Variants in RHOU observed in about 807,000 individuals in gnomAD.
The protein encoded by RHOU is ras homolog family member U.
In RHOU, 8 loss-of-function variants were observed where a neutral mutation model predicts 12.6. The observed-to-expected ratio is 0.64, with a 90% CI of 0.37 to 1.15. The LOEUF (loss-of-function observed/expected upper bound fraction) is 1.15. Ranked by LOEUF, RHOU falls within the 50% of genes most tolerant of loss-of-function variation. The pLI is 0.01. For synonymous variants in RHOU, 161 were observed against 147.4 expected, an observed-to-expected ratio of 1.09 and a Z score of -0.67; for missense variants, 258 against 347.0, an observed-to-expected ratio of 0.74 and a Z score of 2.04.
At chr1:228,718,368 TA>T in the RHOU span, among the ~76,000 whole-genome samples, 2 of 152,152 alleles carry the variant, frequency 1.3e-5, no homozygotes, top group East Asian at 3.9e-4. Context: ...TATTGCCACC[TA>T]AAAAATTAGC....
At chr1:228,675,766 T>C in the RHOU span, among the ~76,000 whole-genome samples, 1 of 152,206 alleles carries the variant, frequency 6.6e-6, no homozygotes, top group South Asian at 2.1e-4. Context: ...ATAATGATTT[T>C]ATATTCAGAG....
the RHOU span, among the ~76,000 whole-genome samples, chr1:228,653,311 T>A: frequency 3.9e-5 from 6 of 152,124 alleles, no homozygotes; most frequent in African/African-American, 1.4e-4. Flanking sequence ...GGTGCCATCA[T>A]GTCGGACTAA....
chr1:228,686,054 T>C, the RHOU span, among the ~76,000 whole-genome samples: 1 of 152,206 alleles, frequency 6.6e-6, no homozygotes, highest in Non-Finnish European at 1.5e-5. Flanking sequence ...AAGTTAGTGA[T>C]CAGACTTTTG....
At chr1:228,677,087 G>A in the RHOU span, among the ~76,000 whole-genome samples, 2 of 152,148 alleles carry the variant, frequency 1.3e-5, no homozygotes, top group African/African-American at 2.4e-5. Context: ...AGAGATAATG[G>A]GTGATTTCTC....
the RHOU span, among the ~76,000 whole-genome samples, chr1:228,665,681 G>C: frequency 1.9e-3 from 290 of 152,262 alleles, 2 homozygotes; most frequent in African/African-American, 6.7e-3. Flanking sequence ...AGCAGAAGTT[G>C]GATGTCCTAG....
chr1:228,716,323 C>T, the RHOU span, among the ~76,000 whole-genome samples: 1 of 152,176 alleles, frequency 6.6e-6, no homozygotes, highest in East Asian at 1.9e-4. Flanking sequence ...CTGGGGTCCA[C>T]TGTGGCATCC....
At chr1:228,669,465 C>T in the RHOU span, among the ~76,000 whole-genome samples, 1 of 152,132 alleles carries the variant, frequency 6.6e-6, no homozygotes, top group Non-Finnish European at 1.5e-5. Flanking sequence ...AAAGCTCTCA[C>T]CTCCTAATTT....
chr1:228,719,149 G>C, the RHOU span, among the ~76,000 whole-genome samples: 3 of 152,154 alleles, frequency 2.0e-5, no homozygotes, highest in South Asian at 6.2e-4. Context: ...TTCAGATCAA[G>C]TGAGACTTAG....
At chr1:228,646,772 A>T in the RHOU span, among the ~76,000 whole-genome samples, 25,673 of 151,814 alleles carry the variant, frequency 0.17, 2,166 homozygotes, top group Middle Eastern at 0.22. Flanking sequence ...TCGTTCCGGA[A>T]CCCGCACGCG....
chr1:228,657,054 T>C, the RHOU span, among the ~76,000 whole-genome samples: 13 of 151,956 alleles, frequency 8.6e-5, 1 homozygote, highest in African/African-American at 2.7e-4. Context: ...GGCAGGTGGA[T>C]CACCTGAGGT....
chr1:228,713,537 G>T, the RHOU span, among the ~76,000 whole-genome samples: 1 of 152,060 alleles, frequency 6.6e-6, no homozygotes. Flanking sequence ...TCACTATGTT[G>T]TCTAGGCTGA....
chr1:228,719,843 C>T, the RHOU span, among the ~76,000 whole-genome samples: 2 of 152,168 alleles, frequency 1.3e-5, no homozygotes, highest in Non-Finnish European at 2.9e-5. Context: ...TTTATCTTTT[C>T]TTAATTCAGT....
chr1:228,739,544 CAG>C (rs1408483221), intron 2 of RHOU, among the ~76,000 whole-genome samples: 5 of 152,130 alleles, frequency 3.3e-5, no homozygotes, highest in Non-Finnish European at 7.4e-5. Flanking sequence ...GCCTGGTTGA[CAG>C]AGAGAGATTC....
chr1:228,710,478 C>T, the RHOU span, among the ~76,000 whole-genome samples: 7 of 152,168 alleles, frequency 4.6e-5, no homozygotes, highest in Non-Finnish European at 7.4e-5. Flanking sequence ...AAGTGGGCTT[C>T]ATCCCTGGGA....
chr1:228,734,627 T>C (rs543499163), upstream of RHOU, among the ~76,000 whole-genome samples: 9 of 152,240 alleles, frequency 5.9e-5, no homozygotes, highest in African/African-American at 2.2e-4. Context: ...CTAGTATCAA[T>C]GTGTATTAAT....
the RHOU span, among the ~76,000 whole-genome samples, chr1:228,702,029 G>A: frequency 6.6e-6 from 1 of 151,698 alleles, no homozygotes; most frequent in Non-Finnish European, 1.5e-5. Context: ...TCAAATTTTT[G>A]TTCATTAACA....
the RHOU span, among the ~76,000 whole-genome samples, chr1:228,695,812 T>TAATC: frequency 6.6e-6 from 1 of 152,142 alleles, no homozygotes; most frequent in Non-Finnish European, 1.5e-5. Flanking sequence ...TGGGCGTGAT[T>TAATC]GATTAAACCC....
At chr1:228,663,633 T>TTTTA in the RHOU span, among the ~76,000 whole-genome samples, 1 of 132,764 alleles carries the variant, frequency 7.5e-6, no homozygotes, top group Non-Finnish European at 1.6e-5. Flanking sequence ...TTCTTTTTTT[T>TTTTA]TTTTTTTTTT....
At chr1:228,688,382 A>G in the RHOU span, among the ~76,000 whole-genome samples, 6 of 152,338 alleles carry the variant, frequency 3.9e-5, no homozygotes, top group Non-Finnish European at 2.9e-5. Flanking sequence ...AACAGCAGAC[A>G]TTTGTGAGTT....
Sources: gnomAD v4.1 joint callset for allele counts (sites outside exome capture counted in the v4.1 genomes callset) on GRCh38, gnomAD v4.1.1 for gene constraint, MANE v1.5 for transcripts, NCBI Gene and HGNC (gene_info 2026-07-23, HGNC 2026-07-21) for gene names.